Variants in INSR observed in about 807,000 individuals in gnomAD.
INSR encodes the protein IR.
A neutral mutation model predicts 142.6 loss-of-function variants in INSR; 67 were observed. That is an observed-to-expected ratio of 0.47 (90% confidence interval 0.39 to 0.58). The LOEUF (loss-of-function observed/expected upper bound fraction) is 0.58. Ranked by LOEUF, INSR falls within the 20% of genes least tolerant of loss-of-function variation. The pLI is 0.00. For missense variants in INSR, 1,248 were observed against 1,833.2 expected (o/e 0.68, Z 5.83); for synonymous variants, 756 against 743.1 (o/e 1.02, Z -0.28).
chr19:7,126,516 C>T lies in INSR; in HGVS notation c.3013+68G>A. On this transcript the variant is annotated intron_variant, in intron 16 of 21. Coordinates refer to ENST00000302850, the MANE Select transcript of INSR (RefSeq NM_000208.4). ...GGGGAACCCATCCTTCACTCTCACT[C>T]AATGGTGAAGGCAAAGGAAGCTGAT... The T allele has an allele frequency of 5.1e-6, 7 of 1,371,086 alleles. 1 individual carries two copies. Among genetic ancestry groups the T allele is most frequent in the Non-Finnish European group, 7.1e-6 (7 of 983,720 alleles). 84.9% of individuals were successfully genotyped at this position (1,371,086 alleles called of 1,614,324 possible).
chr19:7,119,424 C>T lies in INSR; in HGVS notation c.3794+25G>A, dbSNP rs1181396669. The T allele has an allele frequency of 6.2e-7, 1 of 1,613,972 alleles. No individual in the cohort carries two copies. The highest frequency in any genetic ancestry group is 1.3e-5 in the African/African-American group (1 of 74,906). On this transcript the variant is annotated intron_variant, in intron 21 of 21. Transcript: ENST00000302850. This position sits in a 1 kb window ranked among gnomAD's most constrained non-coding sequence, Gnocchi z 5.2. Reference sequence around the variant, plus strand: ...ATACCCTTTCAACGAACACCTCACACACCTTAAACCCTTTCTACACTTACA... The same window carrying T: ...ATACCCTTTCAACGAACACCTCACATACCTTAAACCCTTTCTACACTTACA...
intron 1 of INSR, among the ~76,000 whole-genome samples, chr19:7,285,295 A>G (rs1028448291): frequency 2.6e-5 from 4 of 151,870 alleles, no homozygotes; most frequent in East Asian, 1.9e-4. Context: ...TACTAAAAAT[A>G]AAAAAAACTA....
intron 2 of INSR, among the ~76,000 whole-genome samples, chr19:7,237,279 G>T (rs1242667972): frequency 1.3e-5 from 2 of 149,870 alleles, no homozygotes; most frequent in African/African-American, 4.9e-5. Context: ...AGCACATTAG[G>T]AGGCCAAGGC....
At chr19:7,226,878 CCT>C (rs1178302941) in intron 2 of INSR, among the ~76,000 whole-genome samples, 1 of 152,122 alleles carries the variant, frequency 6.6e-6, no homozygotes, top group Non-Finnish European at 1.5e-5. Context: ...CTAATGCCCT[CCT>C]CCTCCTGCCA....
At position 7,195,378 on chromosome 19, in the gene INSR, A is replaced by G. The variant is rs1974716182; in HGVS notation, c.653-10741T>C. Among the ~76,000 whole-genome samples, 2 of 152,006 alleles carry G rather than the reference A, an allele frequency of 1.3e-5. 1 individual carries two copies. Among genetic ancestry groups the G allele is most frequent in the South Asian group, 4.1e-4 (2 of 4,828 alleles). The stretch of plus-strand genomic sequence containing the variant: ...CCAATGTTGGCCAGGTGTGGTGGCT[A>G]ACACGTGTAATCCCAGCACTTTGGG... On this transcript the variant is annotated intron_variant, in intron 2 of 21. Transcript: ENST00000302850.
intron 9 of INSR, among the ~76,000 whole-genome samples, chr19:7,157,542 C>T (rs1430135814): frequency 1.3e-5 from 2 of 151,002 alleles, no homozygotes; most frequent in Non-Finnish European, 2.9e-5. Context: ...GGATTACAGG[C>T]ATGAGCCATC....
intron 1 of INSR, among the ~76,000 whole-genome samples, chr19:7,284,733 T>C (rs1253828680): frequency 1.3e-5 from 2 of 152,116 alleles, no homozygotes; most frequent in Admixed American, 6.6e-5. Flanking sequence ...TTTCACCATG[T>C]TAGCCAGGAT....
At chr19:7,140,408 G>A (rs968875594) in intron 13 of INSR, among the ~76,000 whole-genome samples, 1 of 152,184 alleles carries the variant, frequency 6.6e-6, no homozygotes, top group Non-Finnish European at 1.5e-5. Context: ...TTTCTCAGTA[G>A]AATGGTGGAA....
chr19:7,180,942 C>G (rs1354552004), intron 3 of INSR, among the ~76,000 whole-genome samples: 1 of 151,980 alleles, frequency 6.6e-6, no homozygotes, highest in Admixed American at 6.6e-5. Context: ...CAGATGACCA[C>G]TTTTATTTTT....
At chr19:7,279,228 C>T (rs1234447645) in intron 1 of INSR, among the ~76,000 whole-genome samples, 1 of 151,688 alleles carries the variant, frequency 6.6e-6, no homozygotes, top group Non-Finnish European at 1.5e-5. Flanking sequence ...GGGAGGCTGA[C>T]GCAGGAGGAT....
At chr19:7,149,006 G>T (rs538402707) in intron 11 of INSR, among the ~76,000 whole-genome samples, 1 of 151,918 alleles carries the variant, frequency 6.6e-6, no homozygotes, top group South Asian at 2.1e-4. Context: ...TCTTGGTCAG[G>T]CTGGTCTCGA....
At chr19:7,291,984 A>G (rs1415167778) in intron 1 of INSR, among the ~76,000 whole-genome samples, 1 of 151,554 alleles carries the variant, frequency 6.6e-6, no homozygotes, top group East Asian at 1.9e-4. Context: ...CAGTAGAGAC[A>G]GGGTTTTACC....
intron 10 of INSR, 79 bp downstream of exon 10, chr19:7,152,647 C>T (rs1044677805): frequency 8.4e-7 from 1 of 1,194,404 alleles, no homozygotes; most frequent in African/African-American, 1.5e-5. Context: ...CCCACTACCT[C>T]TCGGTCCCTA....
Position 7,272,175 on chromosome 19 carries a change from G to A in INSR, c.101-4279C>T, listed in dbSNP as rs550748011. Among the ~76,000 whole-genome samples the A allele has an allele frequency of 2.6e-5, 4 of 152,246 alleles. No individual in the cohort carries two copies. The South Asian group carries it at 8.3e-4, about 32-fold the overall frequency. On this transcript the variant is annotated intron_variant, in intron 1 of 21. Coordinates refer to ENST00000302850, the MANE Select transcript of INSR (RefSeq NM_000208.4). ...AAAAAAATTAGCTGGGCATGGTGGC[G>A]AGTGCCTGTAGTCCCAGCTACTTGG...
intron 2 of INSR, among the ~76,000 whole-genome samples, chr19:7,189,365 G>A (rs995679727): frequency 9.2e-5 from 14 of 152,218 alleles, no homozygotes; most frequent in South Asian, 4.1e-4. Flanking sequence ...GCGAGACTTT[G>A]CAATCCTGTG....
At chr19:7,118,560 G>A (rs1170632362) in intron 21 of INSR, among the ~76,000 whole-genome samples, 4 of 151,828 alleles carry the variant, frequency 2.6e-5, no homozygotes, top group Admixed American at 6.6e-5. Flanking sequence ...TTAGGTGATC[G>A]TTCACCTCGG....
chr19:7,149,410 C>T (rs1973266088), intron 11 of INSR, among the ~76,000 whole-genome samples: 1 of 152,212 alleles, frequency 6.6e-6, no homozygotes, highest in Non-Finnish European at 1.5e-5. Flanking sequence ...AGTCTCACCT[C>T]CTGTTCCTCC....
At chr19:7,153,253 C>A (rs370312789) in intron 9 of INSR, among the ~76,000 whole-genome samples, 1 of 147,176 alleles carries the variant, frequency 6.8e-6, no homozygotes, top group Admixed American at 6.8e-5. Flanking sequence ...ACGCACCACA[C>A]ACACACTACA....
At chr19:7,162,760 C>T (rs758849273) in intron 9 of INSR, among the ~76,000 whole-genome samples, 4 of 151,660 alleles carry the variant, frequency 2.6e-5, no homozygotes, top group East Asian at 1.9e-4. Flanking sequence ...GTGGAGGTTG[C>T]GATGAGCCAA....
Sources: allele counts gnomAD v4.1 joint callset (sites outside exome capture counted in the v4.1 genomes callset), GRCh38; gene constraint gnomAD v4.1.1; non-coding constraint Gnocchi (gnomAD v3.1); transcripts MANE v1.5; gene names NCBI Gene and HGNC (gene_info 2026-07-23, HGNC 2026-07-21).